Variants in UNC5D observed in about 807,000 individuals in gnomAD.
UNC5D encodes unc-5 netrin receptor D, also known as netrin receptor UNC5D.
UNC5D carries 39 observed loss-of-function variants against 105.4 expected under a neutral mutation model. The ratio of observed to expected loss-of-function variants is 0.37; its 90% CI spans 0.29 to 0.48. The LOEUF (loss-of-function observed/expected upper bound fraction) is 0.48, where lower values mean the gene tolerates loss of function less well. Among genes scored for constraint, UNC5D ranks in the 20% least tolerant of loss-of-function variants. The pLI, the probability that UNC5D is intolerant of heterozygous loss-of-function variation, is 0.98. For missense variants in UNC5D, 991 were observed against 1,202.4 expected (o/e 0.82, Z 2.60); for synonymous variants, 452 against 450.4 (o/e 1.00, Z -0.04).
intron 1 of UNC5D, among the ~76,000 whole-genome samples, chr8:35,402,990 A>G (rs998066094): frequency 6.6e-6 from 1 of 152,138 alleles, no homozygotes; most frequent in East Asian, 1.9e-4. Flanking sequence ...TCTCTCCAGT[A>G]TCATGGTCAA....
At chr8:35,418,383 G>T (rs914554162) in intron 1 of UNC5D, among the ~76,000 whole-genome samples, 2 of 152,116 alleles carry the variant, frequency 1.3e-5, no homozygotes, top group African/African-American at 4.8e-5. Context: ...AGTGCCAAAA[G>T]CTTGCTTCAT....
chr8:35,635,396 GTGTT>G (rs1422521035), intron 4 of UNC5D, among the ~76,000 whole-genome samples: 1 of 152,168 alleles, frequency 6.6e-6, no homozygotes, highest in Non-Finnish European at 1.5e-5. Context: ...AACCCGTTAA[GTGTT>G]TGTCATCTGC....
At chr8:35,586,614 C>G (rs1251871669) in intron 3 of UNC5D, among the ~76,000 whole-genome samples, 1 of 152,110 alleles carries the variant, frequency 6.6e-6, no homozygotes. Context: ...TCTTTTATGT[C>G]TGACAAATGG....
At chr8:35,318,992 A>C (rs537041760) in intron 1 of UNC5D, among the ~76,000 whole-genome samples, 1 of 152,266 alleles carries the variant, frequency 6.6e-6, no homozygotes, top group South Asian at 2.1e-4. Context: ...GACCTCACCC[A>C]TGTTCCACAA....
intron 1 of UNC5D, among the ~76,000 whole-genome samples, chr8:35,467,188 C>A (rs979258570): frequency 5.9e-5 from 9 of 152,132 alleles, no homozygotes; most frequent in African/African-American, 2.2e-4. Context: ...AAGACGAATT[C>A]CTTAAAACAT....
At chr8:35,477,093 A>G (rs1206890318) in intron 1 of UNC5D, among the ~76,000 whole-genome samples, 1 of 152,162 alleles carries the variant, frequency 6.6e-6, no homozygotes, top group Non-Finnish European at 1.5e-5. Context: ...GCTGTACTTG[A>G]AAAGATACTC....
chr8:35,468,571 G>A (rs1005460474), intron 1 of UNC5D, among the ~76,000 whole-genome samples: 11 of 152,174 alleles, frequency 7.2e-5, no homozygotes, highest in Non-Finnish European at 2.9e-5. Context: ...TATTGTCTGT[G>A]TCCTCTGTCT....
At chr8:35,779,619 T>C (rs1802412505) in intron 16 of UNC5D, among the ~76,000 whole-genome samples, 2 of 152,108 alleles carry the variant, frequency 1.3e-5, no homozygotes, top group Non-Finnish European at 2.9e-5. Flanking sequence ...ACACCATGCC[T>C]GGCTAACTTG....
intron 7 of UNC5D, among the ~76,000 whole-genome samples, chr8:35,689,352 A>G (rs1826237155): frequency 6.6e-6 from 1 of 152,228 alleles, no homozygotes. Flanking sequence ...AAAGAACTTA[A>G]TCAGCACTGA....
intron 8 of UNC5D, among the ~76,000 whole-genome samples, chr8:35,710,017 A>G (rs1169420563): frequency 6.6e-6 from 1 of 152,202 alleles, no homozygotes; most frequent in Non-Finnish European, 1.5e-5. Flanking sequence ...AAGCTGGGAA[A>G]CCATTCAGGG....
At position 35,394,011 on chromosome 8, in the gene UNC5D, C is replaced by G. The variant is rs141167939; in HGVS notation, c.104-155281C>G. ...CCTTCTTCCTCTTTCTCCTTTTTCT[C>G]TCTCTCACTCGTTTTGGTTTATCTT... On this transcript the variant is annotated intron_variant, in intron 1 of 16. Transcript: ENST00000404895. Among the ~76,000 whole-genome samples, 310 of 151,604 alleles carry G rather than the reference C, an allele frequency of 2.0e-3. 5 individuals are homozygous for G. The highest frequency in any genetic ancestry group is 0.01 in the Admixed American group (156 of 15,220).
intron 1 of UNC5D, among the ~76,000 whole-genome samples, chr8:35,250,744 G>T (rs1045994714): frequency 6.6e-6 from 1 of 151,994 alleles, no homozygotes; most frequent in South Asian, 2.1e-4. Flanking sequence ...CAATCCGCCC[G>T]CCTCGGCCTC....
In UNC5D at chr8:35,332,619, T is replaced by C. The variant is rs142370022; in HGVS notation, c.103+96732T>C. Among the ~76,000 whole-genome samples, 341 of 152,340 alleles carry C rather than the reference T, an allele frequency of 2.2e-3. 2 individuals are homozygous for C. Among genetic ancestry groups the C allele is most frequent in the Admixed American group, 5.5e-3 (84 of 15,302 alleles). On this transcript the variant is annotated intron_variant, in intron 1 of 16. Coordinates refer to ENST00000404895, the MANE Select transcript of UNC5D (RefSeq NM_080872.4). ...AAACATAGGTAATTGAGCAATTTAA[T>C]TGTATGCAACCAACTATCAATTTTA...
At chr8:35,717,290 G>A (rs1828306142) in intron 8 of UNC5D, among the ~76,000 whole-genome samples, 1 of 152,162 alleles carries the variant, frequency 6.6e-6, no homozygotes, top group Non-Finnish European at 1.5e-5. Flanking sequence ...CTGGTATATA[G>A]TTAAGGTCAT....
At chr8:35,770,829 ATT>A (rs1238594613) in intron 15 of UNC5D, among the ~76,000 whole-genome samples, 1 of 152,178 alleles carries the variant, frequency 6.6e-6, no homozygotes, top group Non-Finnish European at 1.5e-5. Context: ...TTGGGGGATA[ATT>A]TGTCTGTTAC....
At chr8:35,615,474 C>T (rs769186818) in intron 4 of UNC5D, among the ~76,000 whole-genome samples, 10 of 152,070 alleles carry the variant, frequency 6.6e-5, no homozygotes, top group Non-Finnish European at 7.4e-5. Context: ...CCCTGCCCTT[C>T]CCAGGTGACG....
chr8:35,775,799 G>T (rs1232244354), intron 16 of UNC5D, among the ~76,000 whole-genome samples: 4 of 152,148 alleles, frequency 2.6e-5, no homozygotes, highest in Admixed American at 1.3e-4. Flanking sequence ...AGAACGAAGG[G>T]CTCAACTAGA....
At chr8:35,496,349 T>C (rs1412929668) in intron 1 of UNC5D, among the ~76,000 whole-genome samples, 3 of 152,120 alleles carry the variant, frequency 2.0e-5, no homozygotes, top group Non-Finnish European at 4.4e-5. Context: ...AGTAAAGGGT[T>C]TGTAAGCAGA....
chr8:35,383,831 G>C (rs965212862), intron 1 of UNC5D, among the ~76,000 whole-genome samples: 2 of 152,056 alleles, frequency 1.3e-5, no homozygotes, highest in Non-Finnish European at 2.9e-5. Flanking sequence ...GTAATCCCAG[G>C]GCTTTGGGAG....
Sources: allele counts gnomAD v4.1 joint callset (sites outside exome capture counted in the v4.1 genomes callset), GRCh38; gene constraint gnomAD v4.1.1; transcripts MANE v1.5; gene names NCBI Gene and HGNC (gene_info 2026-07-23, HGNC 2026-07-21).